Variants in CCDC14 observed in about 807,000 individuals in gnomAD.
CCDC14 encodes the protein coiled-coil domain-containing protein 14.
In CCDC14, 71 loss-of-function variants were observed where a neutral mutation model predicts 81.4. The observed-to-expected ratio is 0.87, with a 90% CI of 0.72 to 1.06. The LOEUF (loss-of-function observed/expected upper bound fraction) is 1.06, where lower values mean the gene tolerates loss of function less well. CCDC14 is among the 50% of genes least tolerant of loss of function. The pLI is 0.00. For synonymous variants in CCDC14, 332 were observed against 364.8 expected (o/e 0.91, Z 1.03); for missense variants, 1,046 against 1,047.3 (o/e 1.00, Z 0.02).
intron 5 of CCDC14, among the ~76,000 whole-genome samples, chr3:123,902,090 G>C (rs190080538): frequency 6.6e-6 from 1 of 152,048 alleles, no homozygotes; most frequent in African/African-American, 2.4e-5. Flanking sequence ...CATCAAAGAA[G>C]TTTAATCCAT....
chr3:123,946,926 G>A lies in CCDC14; in HGVS notation c.1078C>T (p.His360Tyr), dbSNP rs761338960. The A allele has an allele frequency of 6.2e-7, 1 of 1,613,914 alleles. No homozygotes were observed. Among genetic ancestry groups the A allele is most frequent in the East Asian group, 2.2e-5 (1 of 44,886 alleles). ...ATSERKDLNI[H>Y]VRDTKTVKDV... ...TTCACTGTTTTTGTATCTCGCACAT[G>A]TATGTTTAAATCCTTTCTTTCACTT... Residue 360 changes from histidine (H) to tyrosine (Y), a missense_variant, in exon 8 of 13, where the codon CAT becomes TAT. Physicochemically the swap from His to Tyr is moderately conservative, Grantham distance 83. Transcript: ENST00000409697.
intron 12 of CCDC14, among the ~76,000 whole-genome samples, chr3:123,917,855 C>T (rs1161494325): frequency 6.6e-6 from 1 of 151,708 alleles, no homozygotes. Context: ...TAAAAATATC[C>T]TACTGGTCTA....
chr3:123,921,631 C>T (rs1181083818), intron 12 of CCDC14, among the ~76,000 whole-genome samples: 1 of 152,146 alleles, frequency 6.6e-6, no homozygotes, highest in Non-Finnish European at 1.5e-5. Flanking sequence ...ACATTGGTCT[C>T]AAATTACACT....
chr3:123,913,203 C>T (rs1329718893), downstream of CCDC14, among the ~76,000 whole-genome samples: 1 of 152,156 alleles, frequency 6.6e-6, no homozygotes, highest in East Asian at 1.9e-4. Context: ...AAATACTAAG[C>T]TTCTGCTGAA....
At chr3:123,900,117 G>C (rs759171100) in intron 5 of CCDC14, among the ~76,000 whole-genome samples, 1 of 152,028 alleles carries the variant, frequency 6.6e-6, no homozygotes, top group Non-Finnish European at 1.5e-5. Flanking sequence ...GACACAATGT[G>C]GGTTAATAAA....
the CCDC14 span, among the ~76,000 whole-genome samples, chr3:123,889,757 G>T: frequency 4.6e-5 from 7 of 152,156 alleles, no homozygotes; most frequent in Non-Finnish European, 7.3e-5. Flanking sequence ...TGCCACAGTG[G>T]GGACTCTGTG....
chr3:123,916,791 T>G (rs4678067), intron 12 of CCDC14, among the ~76,000 whole-genome samples: 16,759 of 152,052 alleles, frequency 0.11, 2,068 homozygotes, highest in East Asian at 0.42. Flanking sequence ...AAGTGGGTGT[T>G]TGTTTGTTTG....
At chr3:123,956,221 G>T in intron 3 of CCDC14, 106 bp from the exon 4 acceptor site, 1 of 1,281,238 alleles carries the variant, frequency 7.8e-7, no homozygotes, top group Non-Finnish European at 1.1e-6. Context: ...AACTATTATT[G>T]GTAGAAAAGA....
At chr3:123,929,215 AT>A (rs1383301093) in intron 12 of CCDC14, among the ~76,000 whole-genome samples, 1 of 151,902 alleles carries the variant, frequency 6.6e-6, no homozygotes, top group African/African-American at 2.4e-5. Flanking sequence ...CTGACTCACT[AT>A]TTTTTTCTTT....
At position 123,915,003 on chromosome 3, in the gene CCDC14, A is replaced by G; in HGVS notation, c.2494T>C (p.Cys832Arg). 1 of 1,614,038 alleles carries G rather than the reference A, an allele frequency of 6.2e-7. No individual in the cohort carries two copies. Among genetic ancestry groups the G allele is most frequent in the Non-Finnish European group, 8.5e-7 (1 of 1,179,884 alleles). Residue 832 changes from cysteine (C) to arginine (R), a missense_variant, in exon 13 of 13, where the codon TGT becomes CGT. By Grantham distance (180) the Cys-to-Arg change is radical (BLOSUM62 -3). Transcript: ENST00000409697. ...ATKEPEEQTA[C>R]HGPSGCLSNS... Reference sequence around the variant, plus strand: ...CTAAGACAACCTGATGGGCCATGACATGCAGTTTGTTCCTCTGGCTCCTTG... The same window carrying G: ...CTAAGACAACCTGATGGGCCATGACGTGCAGTTTGTTCCTCTGGCTCCTTG...
rs1438339018 is a variant in CCDC14 at position 123,961,229 on chromosome 3, G to C, written c.-56C>G. On this transcript the variant is annotated 5_prime_UTR_variant, in exon 1 of 13. Transcript: ENST00000409697. ...GGGAAGTGAAGCCTCACGGTAAAAA[G>C]AATTAACCGCCGTGGGCTCCCGGAC... is the stretch of plus-strand genomic sequence containing the variant. 2.6e-6 allele frequency: 4 copies of C among 1,551,368 alleles called. No homozygotes were observed. The highest frequency in any genetic ancestry group is 1.2e-5 in the South Asian group (1 of 84,054).
chr3:123,948,925 G>A lies in CCDC14; in HGVS notation c.560C>T (p.Ala187Val). ...TSKNIPNGIP[A>V]VPCHAPSHSE... ...ATGAGAGGGAGCATGGCATGGTACAGCAGGAATTCCATTAGGGATGTTCTT... is the reference window on the plus strand; with the variant it reads ...ATGAGAGGGAGCATGGCATGGTACAACAGGAATTCCATTAGGGATGTTCTT... Residue 187 changes from alanine (A) to valine (V), a missense_variant, in exon 6 of 13, where the codon GCT (alanine) becomes GTT (valine). By Grantham distance (64) the Ala-to-Val change is moderately conservative. Coordinates refer to ENST00000409697, the MANE Select transcript of CCDC14 (RefSeq NM_001366335.1). 3 of 1,613,870 alleles carry A rather than the reference G, an allele frequency of 1.9e-6. No homozygotes were observed. Among genetic ancestry groups the A allele is most frequent in the South Asian group, 1.1e-5 (1 of 91,048 alleles).
chr3:123,958,724 A>C (rs934250479), intron 1 of CCDC14: 1 of 152,160 alleles, frequency 6.6e-6, no homozygotes, highest in African/African-American at 2.4e-5. Context: ...ACAGAATTAC[A>C]ATCTAATATT....
At position 123,950,871 on chromosome 3, in the gene CCDC14, A is replaced by G. The variant is rs1185203924; in HGVS notation, c.353-1739T>C. On this transcript the variant is annotated intron_variant, in intron 5 of 12. Coordinates refer to ENST00000409697, the MANE Select transcript of CCDC14 (RefSeq NM_001366335.1). ...TTTATTGAAAATAAAAATATTACTA[A>G]AAGTGTAAAACTTCCATGTAAAAGC... 2.6e-5 allele frequency among the ~76,000 whole-genome samples: 4 copies of G among 152,194 alleles called. No homozygotes were observed. The East Asian group carries it at 7.7e-4, about 29-fold the overall frequency.
At chr3:123,905,655 C>T (rs1483651583) in intron 5 of CCDC14, among the ~76,000 whole-genome samples, 1 of 152,224 alleles carries the variant, frequency 6.6e-6, no homozygotes, top group Non-Finnish European at 1.5e-5. Context: ...CACCTCACAT[C>T]ACATACACTC....
the CCDC14 span, among the ~76,000 whole-genome samples, chr3:123,887,492 A>C: frequency 9.3e-5 from 14 of 151,140 alleles, no homozygotes; most frequent in East Asian, 2.1e-3. Context: ...AAAAAAAAAA[A>C]CACAAAATAA....
chr3:123,953,078 T>C (rs1051712436), intron 5 of CCDC14: 1 of 155,610 alleles, frequency 6.4e-6, no homozygotes, highest in Non-Finnish European at 1.4e-5. Context: ...TTTAACGCTA[T>C]GGACCCAGAA....
At chr3:123,897,272 T>C (rs2034079603), downstream of CCDC14, 1 of 152,658 alleles carries the variant, frequency 6.6e-6, no homozygotes, top group African/African-American at 2.4e-5. Context: ...TGTAATCCCC[T>C]AAGTAACTTT....
the CCDC14 span, among the ~76,000 whole-genome samples, chr3:123,888,343 A>G: frequency 1.3e-5 from 2 of 152,164 alleles, no homozygotes; most frequent in Non-Finnish European, 2.9e-5. Context: ...AACTTTTAAA[A>G]GGAGATTTGG....
Sources: gnomAD v4.1 joint callset for allele counts (sites outside exome capture counted in the v4.1 genomes callset) on GRCh38, gnomAD v4.1.1 for gene constraint, MANE v1.5 for transcripts, NCBI Gene and HGNC (gene_info 2026-07-23, HGNC 2026-07-21) for gene names.